Variants in RBPMS observed in about 807,000 individuals in gnomAD.
RBPMS encodes the protein RNA binding protein, mRNA processing factor, also known as RNA-binding protein with multiple splicing.
Under a neutral mutation model 26.8 loss-of-function variants are expected in RBPMS, and 7 were observed. That is an observed-to-expected ratio of 0.26 (90% CI 0.15 to 0.49). The LOEUF (loss-of-function observed/expected upper bound fraction) is 0.49, where lower values mean the gene tolerates loss of function less well. RBPMS is among the 20% of genes least tolerant of loss of function. The pLI is 0.98. For synonymous variants in RBPMS, 96 were observed against 93.3 expected (o/e 1.03, Z -0.17); for missense variants, 186 against 250.0 (o/e 0.74, Z 1.73).
intron 6 of RBPMS, among the ~76,000 whole-genome samples, chr8:30,554,419 A>G (rs765240977): frequency 2.0e-5 from 3 of 152,236 alleles, no homozygotes; most frequent in Non-Finnish European, 4.4e-5. Context: ...GTCTAGATCA[A>G]GTCAAACAGG....
intron 2 of RBPMS, among the ~76,000 whole-genome samples, chr8:30,477,292 G>A (rs1391882945): frequency 6.6e-6 from 1 of 150,700 alleles, no homozygotes; most frequent in Non-Finnish European, 1.5e-5. Flanking sequence ...CTCATGATCC[G>A]CCCGCCTTGG....
intron 1 of RBPMS, among the ~76,000 whole-genome samples, chr8:30,468,893 CAA>C (rs1200068868): frequency 8.5e-6 from 1 of 117,012 alleles, no homozygotes; most frequent in East Asian, 2.6e-4. Flanking sequence ...TGGGTTTACT[CAA>C]GAGTGTTTCA....
chr8:30,387,222 C>A (rs1425785549), intron 1 of RBPMS: 1 of 152,008 alleles, frequency 6.6e-6, no homozygotes, highest in African/African-American at 2.4e-5. Flanking sequence ...CCCAAGTTGT[C>A]CAAGAGAGAT....
chr8:30,419,736 A>G (rs147137122), intron 1 of RBPMS, among the ~76,000 whole-genome samples: 11 of 152,264 alleles, frequency 7.2e-5, no homozygotes, highest in African/African-American at 2.6e-4. Flanking sequence ...CATCCCCAAC[A>G]TATCTCATTA....
At chr8:30,436,819 C>G (rs1258742596) in intron 1 of RBPMS, among the ~76,000 whole-genome samples, 1 of 151,922 alleles carries the variant, frequency 6.6e-6, no homozygotes, top group African/African-American at 2.4e-5. Context: ...GGATTTTGTT[C>G]TAAAAGAGGT....
At chr8:30,446,809 G>GTGT (rs1339187160) in intron 1 of RBPMS, 1 of 90,512 alleles carries the variant, frequency 1.1e-5, no homozygotes, top group Non-Finnish European at 2.1e-5. Context: ...GTGTGTGTGT[G>GTGT]TGTGTGTGTG....
chr8:30,543,894 C>T (rs1246714915), intron 5 of RBPMS, among the ~76,000 whole-genome samples: 1 of 152,222 alleles, frequency 6.6e-6, no homozygotes, highest in Non-Finnish European at 1.5e-5. Flanking sequence ...TCAGGATTCT[C>T]AAGGTTTTTC....
chr8:30,558,966 C>T lies in RBPMS; in HGVS notation c.*7+10C>T, dbSNP rs757390969. The T allele has an allele frequency of 2.1e-5, 34 of 1,612,052 alleles. No individual in the cohort carries two copies. In the South Asian group the frequency reaches 2.9e-4, roughly 14 times the overall value. ...TTCTGCTGAATACTATGTAAGTACTCGCTTTCCTTTGGAATGTGCGAAGCC... is the reference window on the plus strand; with the variant it reads ...TTCTGCTGAATACTATGTAAGTACTTGCTTTCCTTTGGAATGTGCGAAGCC... On this transcript the variant is annotated intron_variant, in intron 7 of 8. Coordinates refer to ENST00000397323, the MANE Select transcript of RBPMS (RefSeq NM_001008710.3).
intron 1 of RBPMS, among the ~76,000 whole-genome samples, chr8:30,460,459 C>T (rs1030561615): frequency 6.6e-6 from 1 of 152,182 alleles, no homozygotes; most frequent in Non-Finnish European, 1.5e-5. Flanking sequence ...GAGAGCTCAC[C>T]AAAGCCCTGT....
At chr8:30,474,453 G>T (rs969793829) in intron 1 of RBPMS, among the ~76,000 whole-genome samples, 10 of 152,084 alleles carry the variant, frequency 6.6e-5, no homozygotes, top group African/African-American at 1.4e-4. Flanking sequence ...GTGTGCAATG[G>T]CTAGTTGGGA....
At chr8:30,429,082 G>C (rs1811667348) in intron 1 of RBPMS, among the ~76,000 whole-genome samples, 1 of 152,172 alleles carries the variant, frequency 6.6e-6, no homozygotes, top group South Asian at 2.1e-4. Context: ...CAGGATAGAA[G>C]TATCCTGCTA....
chr8:30,558,807 G>C lies in RBPMS; in HGVS notation c.529-80G>C, dbSNP rs141750878. 6.4e-4 allele frequency: 771 copies of C among 1,195,706 alleles called. 1 individual carries two copies. Among genetic ancestry groups the C allele is most frequent in the Non-Finnish European group, 9.0e-4 (720 of 803,536 alleles). The allele number at this position is 1,195,706 out of a possible 1,614,324, so 74.1% of individuals were successfully genotyped here. On this transcript the variant is annotated intron_variant, in intron 6 of 8. Coordinates refer to ENST00000397323, the MANE Select transcript of RBPMS (RefSeq NM_001008710.3). ...TACCATCTTGGAACAGTAGGGAAGTGGTAGCCAAGCAGGACCCTCCGTGAG... is the reference window on the plus strand; with the variant it reads ...TACCATCTTGGAACAGTAGGGAAGTCGTAGCCAAGCAGGACCCTCCGTGAG...
intron 1 of RBPMS, among the ~76,000 whole-genome samples, chr8:30,463,182 CCAAG>C (rs917653163): frequency 2.0e-5 from 3 of 152,126 alleles, no homozygotes; most frequent in Non-Finnish European, 4.4e-5. Flanking sequence ...TTACTATGAA[CCAAG>C]CATTGAAATC....
At chr8:30,505,111 A>G (rs1320148547) in intron 5 of RBPMS, among the ~76,000 whole-genome samples, 1 of 152,212 alleles carries the variant, frequency 6.6e-6, no homozygotes, top group Non-Finnish European at 1.5e-5. Context: ...TTCCCTGAAT[A>G]ACTTTAAAAG....
intron 1 of RBPMS, among the ~76,000 whole-genome samples, chr8:30,393,064 T>G (rs1049801266): frequency 1.3e-5 from 2 of 152,016 alleles, no homozygotes; most frequent in African/African-American, 4.8e-5. Context: ...TTAAAAAGTG[T>G]TTGGGAAGGG....
intron 5 of RBPMS, among the ~76,000 whole-genome samples, chr8:30,523,743 G>A (rs1259195620): frequency 6.6e-6 from 1 of 151,862 alleles, no homozygotes; most frequent in African/African-American, 2.4e-5. Context: ...TCTCATAACT[G>A]CATTAGCATG....
chr8:30,470,307 C>T (rs1337223659), intron 1 of RBPMS, among the ~76,000 whole-genome samples: 1 of 151,982 alleles, frequency 6.6e-6, no homozygotes, highest in East Asian at 1.9e-4. Context: ...TGGCTTGAAC[C>T]CGGGAGACAG....
chr8:30,479,098 TG>T (rs1461543617), intron 3 of RBPMS, among the ~76,000 whole-genome samples: 1 of 152,172 alleles, frequency 6.6e-6, no homozygotes, highest in Non-Finnish European at 1.5e-5. Flanking sequence ...AATCCCCAGC[TG>T]TGCTCTTGAA....
At chr8:30,490,259 T>A (rs1269862215) in intron 4 of RBPMS, among the ~76,000 whole-genome samples, 1 of 152,212 alleles carries the variant, frequency 6.6e-6, no homozygotes, top group African/African-American at 2.4e-5. Flanking sequence ...TGCAATGTTA[T>A]CCTTAATATT....
Sources: allele counts gnomAD v4.1 joint callset (sites outside exome capture counted in the v4.1 genomes callset), GRCh38; gene constraint gnomAD v4.1.1; transcripts MANE v1.5; gene names NCBI Gene and HGNC (gene_info 2026-07-23, HGNC 2026-07-21).